Variants in PDE4DIP observed in about 807,000 individuals in gnomAD.
PDE4DIP encodes the protein phosphodiesterase 4D interacting protein, also known as myomegalin.
PDE4DIP carries 59 observed loss-of-function variants against 221.4 expected under a neutral mutation model. That is an observed-to-expected ratio of 0.27 (90% CI 0.22 to 0.33). The LOEUF (loss-of-function observed/expected upper bound fraction) is 0.33. Among genes scored for constraint, PDE4DIP ranks in the 10% least tolerant of loss-of-function variants. The pLI, the probability that PDE4DIP is intolerant of heterozygous loss-of-function variation, is 1.00. For synonymous variants in PDE4DIP, 404 were observed against 815.9 expected (o/e 0.50, Z 8.60); for missense variants, 1,036 against 2,154.2 (o/e 0.48, Z 10.28).
intron 1 of PDE4DIP, among the ~76,000 whole-genome samples, chr1:148,917,173 G>T (rs1179495116): frequency 1.3e-5 from 2 of 151,702 alleles, no homozygotes; most frequent in African/African-American, 4.9e-5. Flanking sequence ...CAGCTCAGTT[G>T]GGCCACATCA....
chr1:148,977,756 A>T (rs587606504), intron 17 of PDE4DIP, among the ~76,000 whole-genome samples, 181 bp from the exon 21 acceptor site: 1 of 152,358 alleles, frequency 6.6e-6, no homozygotes, highest in South Asian at 2.1e-4. Context: ...AACAACTATG[A>T]CATCTTCCCA....
At chr1:149,024,184 G>A (rs1490261728) in intron 37 of PDE4DIP, 2 of 342,068 alleles carry the variant, frequency 5.8e-6, no homozygotes, top group Non-Finnish European at 1.0e-5. Flanking sequence ...GATGAAATAT[G>A]GACTTATCTT....
chr1:148,938,855 C>T (rs1368025134), intron 5 of PDE4DIP, among the ~76,000 whole-genome samples: 2 of 149,748 alleles, frequency 1.3e-5, no homozygotes, highest in African/African-American at 2.5e-5. Context: ...GTGGGATGAT[C>T]TCGGCTAACT....
intron 34 of PDE4DIP, 111 bp downstream of exon 37, chr1:149,017,990 G>A: frequency 4.2e-6 from 4 of 952,254 alleles, no homozygotes; most frequent in Admixed American, 4.3e-5. Flanking sequence ...CAGCAAGGGA[G>A]GTGGGCAAGT....
At chr1:148,927,170 C>T (rs1553466316) in intron 1 of PDE4DIP, among the ~76,000 whole-genome samples, 1 of 151,586 alleles carries the variant, frequency 6.6e-6, no homozygotes, top group Non-Finnish European at 1.5e-5. Context: ...TCTGGTAATG[C>T]TATTTAGTGT....
chr1:149,017,992 T>C (rs1201635276), intron 34 of PDE4DIP, 113 bp downstream of exon 37: 4 of 931,328 alleles, frequency 4.3e-6, no homozygotes, highest in Non-Finnish European at 6.7e-6. Context: ...GCAAGGGAGG[T>C]GGGCAAGTAC....
chr1:148,981,899 TTAAGA>T (rs1296232617), intron 21 of PDE4DIP: 1 of 164,232 alleles, frequency 6.1e-6, no homozygotes, highest in East Asian at 1.6e-4. Context: ...CATGCAAGTT[TTAAGA>T]TGAGAGAGCG....
chr1:148,824,405 T>G (rs1454367696), intron 1 of PDE4DIP, among the ~76,000 whole-genome samples: 2 of 147,822 alleles, frequency 1.4e-5, no homozygotes, highest in Non-Finnish European at 3.0e-5. Flanking sequence ...GCCACAGTTG[T>G]TTTTGCTTTT....
chr1:148,961,662 G>T (rs1401892168), intron 6 of PDE4DIP, among the ~76,000 whole-genome samples, 175 bp from the exon 10 acceptor site: 1 of 151,872 alleles, frequency 6.6e-6, no homozygotes, highest in African/African-American at 2.4e-5. Context: ...CATTTCTCCT[G>T]CTACTTTTTG....
chr1:149,030,377 C>G (rs1187481260), intron 43 of PDE4DIP, 99 bp downstream of exon 46: 1 of 1,539,614 alleles, frequency 6.5e-7, no homozygotes, highest in African/African-American at 1.4e-5. Flanking sequence ...CTGCTTTGGC[C>G]TTCCAGGAGA....
intron 5 of PDE4DIP, chr1:148,953,592 G>A: frequency 1.2e-6 from 2 of 1,604,096 alleles, no homozygotes; most frequent in Non-Finnish European, 8.5e-7. Flanking sequence ...CTTGGAAAGT[G>A]TGACTGTTGT....
intron 1 of PDE4DIP, among the ~76,000 whole-genome samples, chr1:148,822,056 CTGTT>C (rs1304674920): frequency 7.7e-6 from 1 of 129,322 alleles, no homozygotes; most frequent in Non-Finnish European, 1.6e-5. Context: ...TTTGAAGCCT[CTGTT>C]TGAGGTTTTT....
chr1:148,820,714 T>G (rs7537626), intron 1 of PDE4DIP, among the ~76,000 whole-genome samples: 2,496 of 139,430 alleles, frequency 0.018, 3 homozygotes, highest in Middle Eastern at 0.047. Flanking sequence ...ACTTTTTTTT[T>G]GGGGGGGGGG....
chr1:148,935,005 C>T (rs1177348004), intron 4 of PDE4DIP, among the ~76,000 whole-genome samples: 6 of 151,812 alleles, frequency 4.0e-5, no homozygotes, highest in South Asian at 2.1e-4. Flanking sequence ...GGGCGGATCA[C>T]GAGATTAAGA....
At chr1:148,951,582 G>A (rs1482337669) in intron 5 of PDE4DIP, among the ~76,000 whole-genome samples, 4 of 152,208 alleles carry the variant, frequency 2.6e-5, no homozygotes, top group African/African-American at 7.2e-5. Flanking sequence ...ACCGTCCCCT[G>A]TCCTAAAATA....
chr1:148,820,865 A>G (rs1258016329), intron 1 of PDE4DIP, among the ~76,000 whole-genome samples: 1 of 139,094 alleles, frequency 7.2e-6, no homozygotes, highest in Non-Finnish European at 1.6e-5. Context: ...TTATTTATTT[A>G]TTTTTGAGGC....
intron 32 of PDE4DIP, among the ~76,000 whole-genome samples, chr1:149,014,990 G>T (rs2069937766): frequency 6.6e-6 from 1 of 151,194 alleles, no homozygotes; most frequent in African/African-American, 2.4e-5. Flanking sequence ...GTGTTCGGAT[G>T]GGGTTGAAGG....
chr1:148,937,634 A>G, intron 4 of PDE4DIP, 113 bp from the exon 8 acceptor site: 1 of 611,680 alleles, frequency 1.6e-6, no homozygotes. Context: ...CAATGATCCA[A>G]AAGGATAAAA....
exon 33 of PDE4DIP, chr1:149,016,374 T>C (rs370468965): frequency 8.6e-6 from 11 of 1,275,388 alleles, no homozygotes; most frequent in Non-Finnish European, 1.1e-5. Flanking sequence ...TCCTACTACC[T>C]CAACTCTGCC....
Sources: gnomAD v4.1 joint callset for allele counts (sites outside exome capture counted in the v4.1 genomes callset) on GRCh38, gnomAD v4.1.1 for gene constraint, MANE v1.5 for transcripts, NCBI Gene and HGNC (gene_info 2026-07-23, HGNC 2026-07-21) for gene names.